The following RELN variants were observed in gnomAD, a reference collection of about 807,000 sequenced individuals.
RELN encodes reelin.
A neutral mutation model predicts 427.6 loss-of-function variants in RELN; 108 were observed. The ratio of observed to expected loss-of-function variants is 0.25; its 90% CI spans 0.22 to 0.30. RELN has a LOEUF of 0.30. Ranked by LOEUF, RELN falls within the 10% of genes least tolerant of loss-of-function variation. RELN has a pLI of 1.00. For missense variants in RELN, 3,715 were observed against 4,302.8 expected (o/e 0.86, Z 3.82); for synonymous variants, 1,524 against 1,513.4 (o/e 1.01, Z -0.16).
At chr7:103,835,723 C>T (rs1192544811) in intron 2 of RELN, among the ~76,000 whole-genome samples, 1 of 152,102 alleles carries the variant, frequency 6.6e-6, no homozygotes, top group East Asian at 1.9e-4. Context: ...ATGATTTACT[C>T]TCTTTGAGAT....
chr7:103,794,675 C>A (rs1476860846), intron 3 of RELN, among the ~76,000 whole-genome samples: 1 of 152,152 alleles, frequency 6.6e-6, no homozygotes, highest in African/African-American at 2.4e-5. Flanking sequence ...ACTGAACAGG[C>A]AGAGCTTCTC....
chr7:103,689,402 T>C (rs550511254), intron 10 of RELN, among the ~76,000 whole-genome samples: 1 of 152,268 alleles, frequency 6.6e-6, no homozygotes, highest in African/African-American at 2.4e-5. Flanking sequence ...CAGTGATTTA[T>C]GCCTTTGCAA....
chr7:103,643,921 A>C (rs1832744656), intron 16 of RELN, among the ~76,000 whole-genome samples: 1 of 151,944 alleles, frequency 6.6e-6, no homozygotes, highest in Admixed American at 6.6e-5. Context: ...ACATTTAAAA[A>C]GAGTAGGTTG....
intron 22 of RELN, among the ~76,000 whole-genome samples, chr7:103,604,831 C>CTT (rs34015200): frequency 0.37 from 51,255 of 138,542 alleles, 9,736 homozygotes; most frequent in South Asian, 0.45. Flanking sequence ...ACCTATCTTT[C>CTT]TTTTTTTTTT....
At chr7:103,675,130 A>C (rs1306022313) in intron 11 of RELN, among the ~76,000 whole-genome samples, 1 of 152,214 alleles carries the variant, frequency 6.6e-6, no homozygotes, top group East Asian at 1.9e-4. Flanking sequence ...TTGTATATTT[A>C]GAAAACCCCA....
chr7:103,523,803 G>A (rs1001131658), intron 46 of RELN, among the ~76,000 whole-genome samples: 2 of 151,884 alleles, frequency 1.3e-5, no homozygotes, highest in South Asian at 2.1e-4. Flanking sequence ...TCAGCCTCCC[G>A]AGTAGCTGGG....
At chr7:103,855,440 A>C (rs984607966) in intron 2 of RELN, among the ~76,000 whole-genome samples, 30 of 152,242 alleles carry the variant, frequency 2.0e-4, no homozygotes, top group Admixed American at 1.8e-3. Context: ...GGCATCTAAA[A>C]TGGATGGGTG....
At chr7:103,783,375 C>T (rs1791942503) in intron 3 of RELN, among the ~76,000 whole-genome samples, 1 of 151,976 alleles carries the variant, frequency 6.6e-6, no homozygotes, top group Admixed American at 6.6e-5. Flanking sequence ...AAATGAATAG[C>T]TTCAAGGAGT....
At chr7:103,497,552 A>C (rs1318691014) in intron 55 of RELN, among the ~76,000 whole-genome samples, 2 of 152,164 alleles carry the variant, frequency 1.3e-5, no homozygotes, top group Non-Finnish European at 2.9e-5. Context: ...TAATTGTATC[A>C]CTCAAGCTTC....
intron 2 of RELN, among the ~76,000 whole-genome samples, chr7:103,851,650 C>T (rs1462223358): frequency 6.6e-6 from 1 of 152,130 alleles, no homozygotes; most frequent in African/African-American, 2.4e-5. Context: ...TTCACCAGCC[C>T]GTATCAATGC....
At chr7:103,926,641 T>G (rs1170000468) in intron 1 of RELN, among the ~76,000 whole-genome samples, 5 of 28,414 alleles carry the variant, frequency 1.8e-4, no homozygotes, top group African/African-American at 2.5e-4. Context: ...TTTTTTTTTT[T>G]TTTTTTTTTT....
intron 16 of RELN, among the ~76,000 whole-genome samples, chr7:103,646,867 T>A (rs1279941242): frequency 1.3e-5 from 2 of 152,024 alleles, no homozygotes; most frequent in African/African-American, 4.8e-5. Context: ...GCAAAAATCC[T>A]TAACAAAATA....
intron 41 of RELN, among the ~76,000 whole-genome samples, chr7:103,547,562 G>C (rs1412616339): frequency 1.3e-5 from 2 of 152,334 alleles, no homozygotes; most frequent in East Asian, 3.9e-4. Context: ...CTCTCAAAGT[G>C]CTGGGATTAC....
At chr7:103,738,671 CCTTTT>C (rs1350776637) in intron 6 of RELN, among the ~76,000 whole-genome samples, 102 of 128,216 alleles carry the variant, frequency 8.0e-4, no homozygotes, top group African/African-American at 3.0e-3. Flanking sequence ...TTCCTTCCTT[CCTTTT>C]TTTTTTTTTT....
chr7:103,497,738 A>C (rs1828882635), intron 55 of RELN, 82 bp downstream of exon 55: 1 of 1,145,478 alleles, frequency 8.7e-7, no homozygotes, highest in Non-Finnish European at 1.3e-6. Flanking sequence ...AAGTCAGCAA[A>C]GCTTTGCAGA....
Position 103,500,766 on chromosome 7 carries a change from G to C in RELN, c.8646C>G (p.Cys2882Trp). Reference sequence around the variant, plus strand: ...TTACCTTCAGAGTGTGGGTCAAGTAGCAGTTTGGCCCTGAGTATCCCGGAT... The same window carrying C: ...TTACCTTCAGAGTGTGGGTCAAGTACCAGTTTGGCCCTGAGTATCCCGGAT... ...ICDPGYSGPN[C>W]YLTHTLKTFL... The change falls in exon 53 of 65, where the codon TGC becomes TGG. Residue 2882 changes from cysteine (C) to tryptophan (W), a missense_variant. Transcript: ENST00000428762. 6.2e-7 allele frequency: 1 copy of C among 1,614,096 alleles called. No homozygotes were observed. Among genetic ancestry groups the C allele is most frequent in the Non-Finnish European group, 8.5e-7 (1 of 1,179,986 alleles).
At position 103,661,670 on chromosome 7, in the gene RELN, C is replaced by T. The variant is rs11974290; in HGVS notation, c.1290-143G>A. On this transcript the variant is annotated intron_variant, in intron 11 of 64. Transcript: ENST00000428762. ...ATAAAGATATGGCACTTTATTTAGGCAATGATTAAACTTTAAACACAAATT... is the reference window on the plus strand; with the variant it reads ...ATAAAGATATGGCACTTTATTTAGGTAATGATTAAACTTTAAACACAAATT... The T allele has an allele frequency of 0.028, 21,976 of 798,334 alleles. 1,717 individuals are homozygous for T. The highest frequency in any genetic ancestry group is 0.24 in the African/African-American group (13,567 of 57,568). The allele number at this position is 798,334 out of a possible 1,614,324, so 49.5% of individuals were successfully genotyped here.
chr7:103,984,096 T>G (rs1271567162), intron 1 of RELN, among the ~76,000 whole-genome samples: 1 of 151,410 alleles, frequency 6.6e-6, no homozygotes, highest in Admixed American at 6.6e-5. Flanking sequence ...CAATCTTAAA[T>G]AATTGATGGA....
At chr7:103,905,750 C>G (rs1475873573) in intron 2 of RELN, among the ~76,000 whole-genome samples, 1 of 148,722 alleles carries the variant, frequency 6.7e-6, no homozygotes, top group African/African-American at 2.5e-5. Context: ...TCTTTGTCTT[C>G]GAAGAGACTT....
Sources: gnomAD v4.1 joint callset for allele counts (sites outside exome capture counted in the v4.1 genomes callset) on GRCh38, gnomAD v4.1.1 for gene constraint, MANE v1.5 for transcripts, NCBI Gene and HGNC (gene_info 2026-07-23, HGNC 2026-07-21) for gene names.